SYCP1: variants seen among roughly 807,000 people sequenced by gnomAD.
SYCP1 encodes synaptonemal complex protein 1, also known as cancer/testis antigen 8.
A neutral mutation model predicts 153.1 loss-of-function variants in SYCP1; 64 were observed. That is an observed-to-expected ratio of 0.42 (90% CI 0.34 to 0.51). The LOEUF is 0.51. SYCP1 is among the 20% of genes least tolerant of loss of function. The pLI, the probability that SYCP1 is intolerant of heterozygous loss-of-function variation, is 0.06. For missense variants in SYCP1, 997 were observed against 1,049.0 expected (o/e 0.95, Z 0.68); for synonymous variants, 384 against 341.8 (o/e 1.12, Z -1.36).
intron 22 of SYCP1, 74 bp downstream of exon 22, chr1:114,926,414 CT>C: frequency 6.8e-7 from 1 of 1,476,054 alleles, no homozygotes; most frequent in Non-Finnish European, 9.0e-7. Flanking sequence ...AATGCTTTCC[CT>C]TCCTTTAGTA....
At chr1:114,883,041 CCT>C (rs1487647748) in intron 12 of SYCP1, among the ~76,000 whole-genome samples, 2 of 152,168 alleles carry the variant, frequency 1.3e-5, no homozygotes, top group African/African-American at 4.8e-5. Context: ...CTGCAAATGC[CCT>C]CTGGGCACAA....
intron 27 of SYCP1, among the ~76,000 whole-genome samples, chr1:114,951,030 T>G (rs1671073524): frequency 2.6e-5 from 4 of 152,064 alleles, no homozygotes; most frequent in Admixed American, 2.0e-4. Context: ...TTCACTGTGT[T>G]AGCCAGGATG....
intron 27 of SYCP1, among the ~76,000 whole-genome samples, chr1:114,950,754 CTGAT>C (rs916258835): frequency 6.6e-5 from 10 of 151,664 alleles, no homozygotes; most frequent in Admixed American, 2.0e-4. Context: ...AATCTATAGA[CTGAT>C]TATCTAGCTA....
chr1:114,907,445 C>A (rs528324127), intron 16 of SYCP1, among the ~76,000 whole-genome samples: 1 of 151,978 alleles, frequency 6.6e-6, no homozygotes, highest in Non-Finnish European at 1.5e-5. Context: ...TTTGGCATTC[C>A]GTTTTAATGT....
At chr1:114,986,183 C>T (rs1673492588) in intron 30 of SYCP1, among the ~76,000 whole-genome samples, 1 of 151,962 alleles carries the variant, frequency 6.6e-6, no homozygotes, top group Non-Finnish European at 1.5e-5. Flanking sequence ...TTCCAGTTTA[C>T]AGATGAGGAA....
Position 114,876,726 on chromosome 1 carries a change from TA to T in SYCP1, c.728-10del. The T allele has an allele frequency of 7.7e-7, 1 of 1,304,594 alleles. No individual in the cohort carries two copies. The allele number at this position is 1,304,594 out of a possible 1,614,324, so 80.8% of individuals were successfully genotyped here. On this transcript the variant is annotated splice_polypyrimidine_tract_variant and intron_variant, in intron 10 of 31. Coordinates refer to ENST00000369522, the MANE Select transcript of SYCP1 (RefSeq NM_003176.4). Reference sequence around the variant, plus strand: ...TTATGACATTACAGTATATTTGTTTTATTTTTAAAGTAAAGGAAGATTATGA... The same window carrying T: ...TTATGACATTACAGTATATTTGTTTTTTTTTAAAGTAAAGGAAGATTATGA...
At chr1:114,986,841 G>A (rs1673548451) in intron 30 of SYCP1, among the ~76,000 whole-genome samples, 1 of 151,856 alleles carries the variant, frequency 6.6e-6, no homozygotes, top group Non-Finnish European at 1.5e-5. Flanking sequence ...AGCTTCCAGG[G>A]GAAAGGTTAG....
intron 27 of SYCP1, among the ~76,000 whole-genome samples, chr1:114,969,523 T>C (rs1004278490): frequency 1.3e-5 from 2 of 152,190 alleles, no homozygotes; most frequent in African/African-American, 2.4e-5. Flanking sequence ...CCAGGTTGAC[T>C]TTAGACTGCT....
At chr1:114,876,680 T>C in intron 10 of SYCP1, 57 bp from the exon 11 acceptor site, 1 of 927,478 alleles carries the variant, frequency 1.1e-6, no homozygotes, top group Non-Finnish European at 1.5e-6. Context: ...TTGTTTGTAA[T>C]AGAAATGTTA....
chr1:114,910,544 A>C (rs759728931), intron 17 of SYCP1, 43 bp downstream of exon 17: 5 of 1,271,192 alleles, frequency 3.9e-6, no homozygotes, highest in Middle Eastern at 2.2e-4. Context: ...TTTTGTTAAT[A>C]GAACATAGAT....
chr1:114,899,254 T>C (rs561434618), intron 16 of SYCP1, among the ~76,000 whole-genome samples: 2 of 152,322 alleles, frequency 1.3e-5, no homozygotes, highest in Admixed American at 1.3e-4. Context: ...TGCTCTAAAT[T>C]TTGTTCACAA....
intron 20 of SYCP1, among the ~76,000 whole-genome samples, chr1:114,916,688 A>G (rs1041772381): frequency 3.3e-5 from 5 of 151,080 alleles, no homozygotes; most frequent in Admixed American, 6.6e-5. Context: ...TTCTAAAAAT[A>G]TATTAATCTT....
intron 27 of SYCP1, among the ~76,000 whole-genome samples, chr1:114,964,995 G>A (rs986592436): frequency 2.6e-5 from 4 of 152,160 alleles, no homozygotes; most frequent in African/African-American, 7.2e-5. Context: ...CTATCCATGA[G>A]CATGGAATGT....
At chr1:114,960,314 TG>T (rs1479150587) in intron 27 of SYCP1, among the ~76,000 whole-genome samples, 3 of 151,944 alleles carry the variant, frequency 2.0e-5, no homozygotes, top group African/African-American at 7.3e-5. Flanking sequence ...ATCACAGGCA[TG>T]CACCATCACC....
At chr1:114,923,604 A>G in intron 21 of SYCP1, 74 bp downstream of exon 21, 1 of 1,376,502 alleles carries the variant, frequency 7.3e-7, no homozygotes, top group Non-Finnish European at 9.7e-7. Context: ...TCTAAACTAA[A>G]ATAAAGGGAA....
intron 23 of SYCP1, among the ~76,000 whole-genome samples, chr1:114,941,967 G>A (rs965104911): frequency 2.0e-5 from 3 of 151,918 alleles, no homozygotes; most frequent in Non-Finnish European, 4.4e-5. Context: ...AATATTTTTG[G>A]TCCCAAGCAT....
At chr1:114,945,114 C>A in intron 25 of SYCP1, 132 bp downstream of exon 25, 2 of 631,956 alleles carry the variant, frequency 3.2e-6, no homozygotes, top group East Asian at 3.1e-5. Context: ...CTGTCTATAG[C>A]TAGAATACCC....
At chr1:114,947,925 T>C (rs1670846560) in intron 27 of SYCP1, among the ~76,000 whole-genome samples, 1 of 151,772 alleles carries the variant, frequency 6.6e-6, no homozygotes, top group Admixed American at 6.6e-5. Context: ...TTTTTTATTA[T>C]ACTTTAAGTT....
intron 8 of SYCP1, among the ~76,000 whole-genome samples, chr1:114,870,965 T>C (rs1314595858): frequency 6.6e-6 from 1 of 152,192 alleles, no homozygotes; most frequent in Non-Finnish European, 1.5e-5. Flanking sequence ...TTTATGCTAT[T>C]TGTGGTTTTA....
Sources: gnomAD v4.1 joint callset for allele counts (sites outside exome capture counted in the v4.1 genomes callset) on GRCh38, gnomAD v4.1.1 for gene constraint, MANE v1.5 for transcripts, NCBI Gene and HGNC (gene_info 2026-07-23, HGNC 2026-07-21) for gene names.